SURF4: variants seen among roughly 807,000 people sequenced by gnomAD.
SURF4 encodes the protein surfeit 4.
Under a neutral mutation model 30.0 loss-of-function variants are expected in SURF4, and 3 were observed. The observed-to-expected ratio is 0.10, with a 90% confidence interval of 0.05 to 0.26. The LOEUF (loss-of-function observed/expected upper bound fraction) is 0.26, where lower values mean the gene tolerates loss of function less well. Among genes scored for constraint, SURF4 ranks in the 10% least tolerant of loss-of-function variants. SURF4 has a pLI of 1.00. For missense variants in SURF4, 217 were observed against 350.8 expected (o/e 0.62, Z 3.05); for synonymous variants, 143 against 139.9 (o/e 1.02, Z -0.16).
intron 1 of SURF4, among the ~76,000 whole-genome samples, chr9:133,371,349 C>T (rs1427959980): frequency 2.6e-5 from 4 of 152,244 alleles, no homozygotes; most frequent in Admixed American, 2.6e-4. Context: ...CTCGAGCTCA[C>T]TGGCTCACTG....
upstream of SURF4, among the ~76,000 whole-genome samples, chr9:133,376,998 G>C (rs1837986171): frequency 6.6e-6 from 1 of 152,172 alleles, no homozygotes; most frequent in Non-Finnish European, 1.5e-5. Flanking sequence ...CAAAATAAAA[G>C]TAAATGTTTA....
intron 3 of SURF4, 187 bp from the exon 4 acceptor site, chr9:133,366,215 T>C: frequency 1.6e-6 from 1 of 615,902 alleles, no homozygotes. Flanking sequence ...AAATGTGCTA[T>C]GATGTTCCAG....
chr9:133,369,580 C>T (rs1837381195), intron 1 of SURF4, among the ~76,000 whole-genome samples: 1 of 152,206 alleles, frequency 6.6e-6, no homozygotes, highest in Non-Finnish European at 1.5e-5. Context: ...AGAACCAGCA[C>T]AAGATGCCCA....
intron 1 of SURF4, among the ~76,000 whole-genome samples, chr9:133,374,526 A>T (rs1459872821): frequency 2.0e-5 from 3 of 152,134 alleles, no homozygotes. Context: ...ACACCATTGC[A>T]CTCCAGCCTG....
Position 133,375,350 on chromosome 9 carries a change from C to A in SURF4, c.48+572G>T, listed in dbSNP as rs1399039799. The A allele has an allele frequency of 9.1e-6, 9 of 985,502 alleles. No individual in the cohort carries two copies. In the African/African-American group the frequency reaches 1.6e-4, roughly 17 times the overall value. 61.0% of individuals were successfully genotyped at this position (985,502 alleles called of 1,614,324 possible). On this transcript the variant is annotated intron_variant, in intron 1 of 5. Transcript: ENST00000371989. ...GGCAGAGTCCAAACGGGGAGGGAGA[C>A]GCAGACAGGGTCAAAGGGACCCCAA... is the stretch of plus-strand genomic sequence containing the variant.
Position 133,361,669 on chromosome 9 carries a change from C to T in SURF4, c.*1824G>A, listed in dbSNP as rs1836811207. 1 of 154,990 alleles carries T rather than the reference C, an allele frequency of 6.5e-6. No individual in the cohort carries two copies. The highest frequency in any genetic ancestry group is 6.3e-5 in the Admixed American group (1 of 15,766). The allele number at this position is 154,990 out of a possible 1,614,324, so 9.6% of individuals were successfully genotyped here. A position where few individuals can be genotyped will look rare whatever the true frequency, so the allele number is the denominator to read the frequency against. ...TGCAAAGGCATCTTCCCGAATCAGG[C>T]CCTAGCCCACCCAGGGCCAGGAGAA... On this transcript the variant is annotated 3_prime_UTR_variant, in exon 6 of 6. Coordinates refer to ENST00000371989, the MANE Select transcript of SURF4 (RefSeq NM_033161.4).
rs2130081458 is a variant in SURF4, at chr9:133,363,044, T to C, written c.*449A>G. On this transcript the variant is annotated 3_prime_UTR_variant, in exon 6 of 6. Coordinates refer to ENST00000371989, the MANE Select transcript of SURF4 (RefSeq NM_033161.4). This position sits in a 1 kb window ranked among gnomAD's most constrained non-coding sequence, Gnocchi z 4.3. ...CCAGGGAGATTAACTGTTTTGAGGTTTGGCTGAACCACCCAAAATAATTTA... is the reference window on the plus strand; with the variant it reads ...CCAGGGAGATTAACTGTTTTGAGGTCTGGCTGAACCACCCAAAATAATTTA... The C allele has an allele frequency of 1.4e-5, 4 of 292,298 alleles. No individual in the cohort carries two copies. The highest frequency in any genetic ancestry group is 1.2e-3 in the Middle Eastern group (1 of 860). 18.1% of individuals were successfully genotyped at this position (292,298 alleles called of 1,614,324 possible). A position where few individuals can be genotyped will look rare whatever the true frequency, so the allele number is the denominator to read the frequency against.
At position 133,363,989 on chromosome 9, in the gene SURF4, A is replaced by G; in HGVS notation, c.544-230T>C. On this transcript the variant is annotated intron_variant, in intron 5 of 5. Transcript: ENST00000371989. The surrounding 1 kb of genome is among the most constrained non-coding windows in gnomAD (Gnocchi z 4.3). ...GGTTTGGGGAAGACTGAAGTTCCCA[A>G]CTAGTAACAGGCTGTGATTTACCAA... 1.4e-6 allele frequency: 1 copy of G among 711,614 alleles called. No homozygotes were observed. The highest frequency in any genetic ancestry group is 2.7e-5 in the East Asian group (1 of 37,246). 44.1% of individuals were successfully genotyped at this position (711,614 alleles called of 1,614,324 possible). A position where few individuals can be genotyped will look rare whatever the true frequency, so the allele number is the denominator to read the frequency against.
In SURF4 at chr9:133,362,449, G is replaced by T. The variant is rs1297954583; in HGVS notation, c.*1044C>A. The T allele has an allele frequency of 6.6e-6, 1 of 152,656 alleles. No homozygotes were observed. Among genetic ancestry groups the T allele is most frequent in the East Asian group, 1.9e-4 (1 of 5,202 alleles). The allele number at this position is 152,656 out of a possible 1,614,324, so 9.5% of individuals were successfully genotyped here. The stretch of plus-strand genomic sequence containing the variant: ...TAGCAAACGGACAATCTGAGTGAGC[G>T]ACAGCCTCAGGAAAGTGGTGTGTCG... On this transcript the variant is annotated 3_prime_UTR_variant, in exon 6 of 6. Coordinates refer to ENST00000371989, the MANE Select transcript of SURF4 (RefSeq NM_033161.4).
Position 133,366,580 on chromosome 9 carries a change from G to A in SURF4, c.312+19C>T, listed in dbSNP as rs2130127967. ...ACCAGAGCAAAGAGAAGGGAGCCCCGACCACGCGGCCCGTGTACCTGCAGA... is the reference window on the plus strand; with the variant it reads ...ACCAGAGCAAAGAGAAGGGAGCCCCAACCACGCGGCCCGTGTACCTGCAGA... On this transcript the variant is annotated intron_variant, in intron 3 of 5. Transcript: ENST00000371989. 2.5e-5 allele frequency: 41 copies of A among 1,613,212 alleles called. No individual in the cohort carries two copies. Among genetic ancestry groups the A allele is most frequent in the Non-Finnish European group, 3.1e-5 (37 of 1,179,760 alleles).
upstream of SURF4, chr9:133,376,259 C>G (rs1368835090): frequency 1.5e-6 from 2 of 1,304,686 alleles, no homozygotes; most frequent in East Asian, 3.2e-5. Flanking sequence ...CTGGAGGCCC[C>G]GCCCGCCGCG....
chr9:133,363,739 G>A lies in SURF4; in HGVS notation c.564C>T (p.Gly188=), dbSNP rs2130091560. The change falls in exon 6 of 6, where the codon GGC becomes GGT. Residue 188 remains glycine (G), a synonymous_variant. Coordinates refer to ENST00000371989, the MANE Select transcript of SURF4 (RefSeq NM_033161.4). The surrounding 1 kb of genome is among the most constrained non-coding windows in gnomAD (Gnocchi z 4.3). ...TGGCCACTAAAATCATCAGAGCTGT[G>A]CCCACGATGTTCTGGACAATCTGCA... ...SFFSIVQNIV[G]TALMILVAIG... 4 of 1,614,194 alleles carry A rather than the reference G, an allele frequency of 2.5e-6. No homozygotes were observed. Among genetic ancestry groups the A allele is most frequent in the Non-Finnish European group, 3.4e-6 (4 of 1,180,036 alleles).
At chr9:133,366,481 G>A in intron 3 of SURF4, 118 bp downstream of exon 3, 4 of 1,143,452 alleles carry the variant, frequency 3.5e-6, no homozygotes, top group Non-Finnish European at 5.1e-6. Context: ...GCTCCAGGCA[G>A]TCAGAGACAT....
chr9:133,376,047 C>G lies in SURF4; in HGVS notation c.-78G>C. 3 of 1,211,920 alleles carry G rather than the reference C, an allele frequency of 2.5e-6. No homozygotes were observed. The highest frequency in any genetic ancestry group is 3.1e-6 in the Non-Finnish European group (3 of 974,422). The allele number at this position is 1,211,920 out of a possible 1,614,324, so 75.1% of individuals were successfully genotyped here. A position where few individuals can be genotyped will look rare whatever the true frequency, so the allele number is the denominator to read the frequency against. Reference sequence around the variant, plus strand: ...CCGTCGGCGCCCGCACCCGCTGCGGCCTCCACAGGAAGTGCCCGGCGGCCG... The same window carrying G: ...CCGTCGGCGCCCGCACCCGCTGCGGGCTCCACAGGAAGTGCCCGGCGGCCG... On this transcript the variant is annotated 5_prime_UTR_variant, in exon 1 of 6. Transcript: ENST00000371989.
At chr9:133,366,509 G>C (rs1195647065) in intron 3 of SURF4, 90 bp downstream of exon 3, 8 of 1,382,060 alleles carry the variant, frequency 5.8e-6, no homozygotes, top group African/African-American at 1.4e-5. Flanking sequence ...GCTGAAGGGG[G>C]AGTGACACTG....
intron 1 of SURF4, among the ~76,000 whole-genome samples, chr9:133,374,800 CTT>C (rs2130229101): frequency 6.6e-6 from 1 of 152,004 alleles, no homozygotes; most frequent in Non-Finnish European, 1.5e-5. Context: ...GTCACTTACT[CTT>C]TTCTTTTTTT....
At chr9:133,372,817 A>C (rs890077883) in intron 1 of SURF4, among the ~76,000 whole-genome samples, 1 of 152,194 alleles carries the variant, frequency 6.6e-6, no homozygotes, top group African/African-American at 2.4e-5. Context: ...GCTTGGTCAG[A>C]TTCTGTCCAC....
upstream of SURF4, chr9:133,376,701 C>T (rs992820410): frequency 1.5e-6 from 1 of 685,330 alleles, no homozygotes; most frequent in East Asian, 3.2e-5. Flanking sequence ...TAGGTTGAAC[C>T]CGGGGGGCCT....
chr9:133,363,199 G>T lies in SURF4; in HGVS notation c.*294C>A. The stretch of plus-strand genomic sequence containing the variant: ...CCCCCACAAAAAAACTCAAAAATAG[G>T]ACTGAGATGCCACAGCCAAGCGGGC... On this transcript the variant is annotated 3_prime_UTR_variant, in exon 6 of 6. Coordinates refer to ENST00000371989, the MANE Select transcript of SURF4 (RefSeq NM_033161.4). The surrounding 1 kb of genome is among the most constrained non-coding windows in gnomAD (Gnocchi z 4.3). 1.6e-6 allele frequency: 1 copy of T among 607,558 alleles called. No individual in the cohort carries two copies. The highest frequency in any genetic ancestry group is 1.9e-5 in the African/African-American group (1 of 54,048). 37.6% of individuals were successfully genotyped at this position (607,558 alleles called of 1,614,324 possible).
Sources: gnomAD v4.1 joint callset for allele counts (sites outside exome capture counted in the v4.1 genomes callset) on GRCh38, gnomAD v4.1.1 for gene constraint, Gnocchi (gnomAD v3.1) non-coding constraint, MANE v1.5 for transcripts, NCBI Gene and HGNC (gene_info 2026-07-23, HGNC 2026-07-21) for gene names.